PRUNE2: variants seen among roughly 807,000 people sequenced by gnomAD.
The protein encoded by PRUNE2 is prune homolog 2 with BCH domain.
Under a neutral mutation model 252.0 loss-of-function variants are expected in PRUNE2, and 164 were observed. The observed-to-expected ratio is 0.65, with a 90% CI of 0.57 to 0.74. PRUNE2 has a LOEUF of 0.74. Among genes scored for constraint, PRUNE2 ranks in the 30% least tolerant of loss-of-function variants. The pLI is 0.00. For synonymous variants in PRUNE2, 1,292 were observed against 1,350.2 expected, an observed-to-expected ratio of 0.96 and a Z score of 0.94; for missense variants, 3,495 against 3,711.0, an observed-to-expected ratio of 0.94 and a Z score of 1.51.
At chr9:76,765,214 A>C (rs958321993) in intron 6 of PRUNE2, among the ~76,000 whole-genome samples, 1 of 152,240 alleles carries the variant, frequency 6.6e-6, no homozygotes, top group Non-Finnish European at 1.5e-5. Context: ...GAAGTTAAAC[A>C]CAAGAGGAGG....
chr9:76,831,641 C>T (rs1338592729), intron 4 of PRUNE2, among the ~76,000 whole-genome samples: 4 of 151,738 alleles, frequency 2.6e-5, no homozygotes. Context: ...GTTGTAATTG[C>T]TATCATAACC....
intron 1 of PRUNE2, among the ~76,000 whole-genome samples, chr9:76,887,974 C>T (rs775683361): frequency 4.6e-5 from 7 of 152,268 alleles, no homozygotes; most frequent in Non-Finnish European, 7.4e-5. Context: ...CAAACCACTC[C>T]GGGCTCCCCA....
chr9:76,856,892 T>C (rs974450239), intron 1 of PRUNE2, among the ~76,000 whole-genome samples: 1 of 152,068 alleles, frequency 6.6e-6, no homozygotes, highest in African/African-American at 2.4e-5. Flanking sequence ...TAGCTGGGAT[T>C]ACAGGTGCCC....
chr9:76,830,178 G>A (rs1044002654), intron 4 of PRUNE2, among the ~76,000 whole-genome samples: 1 of 152,154 alleles, frequency 6.6e-6, no homozygotes, highest in African/African-American at 2.4e-5. Context: ...AGCATGGAGA[G>A]AAAAAGCGAT....
Position 76,709,562 on chromosome 9 carries a change from C to A in PRUNE2, c.2712G>T (p.Val904=), listed in dbSNP as rs748910643. 2 of 1,613,980 alleles carry A rather than the reference C, an allele frequency of 1.2e-6. No homozygotes were observed. The highest frequency in any genetic ancestry group is 1.7e-5 in the Admixed American group (1 of 60,024). The change falls in exon 8 of 19, where the codon GTG becomes GTT. Residue 904 remains valine, a synonymous_variant. Transcript: ENST00000376718. ...ATACCTTGCCCCTAGTTTTAGGATC[C>A]ACTAAACCATTCTGATCTTCTTTTG... ...KPPKEDQNGL[V]DPKTRGKVYE... is the part of the protein sequence containing the mutation.
chr9:76,708,180 A>G lies in PRUNE2; in HGVS notation c.4094T>C (p.Leu1365Pro). 3 of 1,614,024 alleles carry G rather than the reference A, an allele frequency of 1.9e-6. No homozygotes were observed. The highest frequency in any genetic ancestry group is 2.5e-6 in the Non-Finnish European group (3 of 1,179,894). The change falls in exon 8 of 19, where the codon CTG becomes CCG. Residue 1365 changes from leucine (L) to proline (P), a missense_variant. By Grantham distance (98) the Leu-to-Pro change is moderately conservative. Coordinates refer to ENST00000376718, the MANE Select transcript of PRUNE2 (RefSeq NM_015225.3). ...ATGTTCAGATGCAACCAGAGAAGAC[A>G]GTTCCTGGTCACTCTGCCCTTTTTC... is the stretch of plus-strand genomic sequence containing the variant. ...ISEKGQSDQELSSLVASEHQE... is the reference protein window; with the variant it reads ...ISEKGQSDQEPSSLVASEHQE...
chr9:76,827,701 C>T (rs1351228760), intron 4 of PRUNE2, among the ~76,000 whole-genome samples: 1 of 152,080 alleles, frequency 6.6e-6, no homozygotes, highest in African/African-American at 2.4e-5. Context: ...AACTATGGTA[C>T]CCAATCCAAA....
In PRUNE2 at chr9:76,658,228, C is replaced by A. The variant is rs539249053; in HGVS notation, c.8277-2726G>T. Among the ~76,000 whole-genome samples, 5 of 152,290 alleles carry A rather than the reference C, an allele frequency of 3.3e-5. No homozygotes were observed. In the South Asian group the frequency reaches 8.3e-4, roughly 25 times the overall value. On this transcript the variant is annotated intron_variant, in intron 9 of 18. Transcript: ENST00000376718. ...ACAAAATTAGCTGGGTGTGGTGGCG[C>A]ATGCCTGTAATCCCAGCTACTCGGG...
rs201068703 is a variant in PRUNE2, at chr9:76,632,972, AGCACTTTGGGAG to A, written c.9050+3487_9050+3498del. 8.7e-3 allele frequency among the ~76,000 whole-genome samples: 1,318 copies of A among 152,354 alleles called. 24 individuals are homozygous for A. The highest frequency in any genetic ancestry group is 0.03 in the African/African-American group (1,258 of 41,590). On this transcript the variant is annotated intron_variant, in intron 15 of 18. Transcript: ENST00000376718. The stretch of plus-strand genomic sequence containing the variant: ...CGCAGTGTCTCGTACCTGTAGTCCC[AGCACTTTGGGAG>A]GCCGAGGCAGGCGGATCACTTGAGG...
At chr9:76,630,322 A>T (rs1156692319) in intron 15 of PRUNE2, among the ~76,000 whole-genome samples, 1 of 151,652 alleles carries the variant, frequency 6.6e-6, no homozygotes, top group Non-Finnish European at 1.5e-5. Context: ...ACATTCAAAA[A>T]TATGTTCCAA....
At chr9:76,669,289 A>G (rs1006292522) in intron 9 of PRUNE2, among the ~76,000 whole-genome samples, 2 of 150,344 alleles carry the variant, frequency 1.3e-5, no homozygotes, top group Admixed American at 1.3e-4. Flanking sequence ...TCACACCACC[A>G]CCACCCTCTC....
intron 9 of PRUNE2, chr9:76,692,411 T>G (rs1206610074): frequency 2.2e-6 from 1 of 462,846 alleles, no homozygotes; most frequent in Non-Finnish European, 3.9e-6. Context: ...AGACTGGATG[T>G]GAATGGGCTC....
intron 6 of PRUNE2, chr9:76,740,056 T>C (rs909836867): frequency 1.3e-5 from 2 of 148,790 alleles, no homozygotes; most frequent in Admixed American, 6.6e-5. Flanking sequence ...AGTATGATAC[T>C]CTGTTTCAAA....
chr9:76,660,798 A>AAAAAAG (rs1554669341), intron 9 of PRUNE2, among the ~76,000 whole-genome samples: 4 of 141,018 alleles, frequency 2.8e-5, no homozygotes, highest in Non-Finnish European at 4.6e-5. Context: ...AAAAAAAAAA[A>AAAAAAG]AAAGAAAGAA....
In PRUNE2 at chr9:76,611,548, T is replaced by C. The variant is rs1231343462; in HGVS notation, c.*3022A>G. The C allele has an allele frequency of 6.6e-6, 1 of 152,264 alleles. No homozygotes were observed. Among genetic ancestry groups the C allele is most frequent in the Non-Finnish European group, 1.5e-5 (1 of 68,036 alleles). The allele number at this position is 152,264 out of a possible 1,614,324, so 9.4% of individuals were successfully genotyped here. On this transcript the variant is annotated 3_prime_UTR_variant, in exon 19 of 19. Coordinates refer to ENST00000376718, the MANE Select transcript of PRUNE2 (RefSeq NM_015225.3). ...TGCATGATAGAAAAACCTTTAGATA[T>C]ATAAAAGATTAATTTGTGCACATCT...
intron 2 of PRUNE2, among the ~76,000 whole-genome samples, chr9:76,853,163 T>C (rs1465491614): frequency 2.0e-5 from 3 of 152,236 alleles, no homozygotes; most frequent in African/African-American, 7.2e-5. Context: ...AAAGCCCACA[T>C]GTAGAGATCA....
At chr9:76,836,909 C>T (rs372712870) in intron 4 of PRUNE2, among the ~76,000 whole-genome samples, 1 of 152,116 alleles carries the variant, frequency 6.6e-6, no homozygotes, top group African/African-American at 2.4e-5. Flanking sequence ...AATTAGTATA[C>T]AAATGATCTT....
intron 9 of PRUNE2, among the ~76,000 whole-genome samples, chr9:76,694,180 GT>G (rs112987798): frequency 0.014 from 2,093 of 148,308 alleles, 41 homozygotes; most frequent in African/African-American, 0.047. Flanking sequence ...GTTTTGTTTC[GT>G]TTTTTTTTTG....
At chr9:76,637,602 C>T in intron 13 of PRUNE2, 53 bp from the exon 14 acceptor site, 1 of 1,507,952 alleles carries the variant, frequency 6.6e-7, no homozygotes, top group Non-Finnish European at 9.1e-7. Flanking sequence ...CTATTGACAC[C>T]ATAATTACAT....
Sources: gnomAD v4.1 joint callset for allele counts (sites outside exome capture counted in the v4.1 genomes callset) on GRCh38, gnomAD v4.1.1 for gene constraint, MANE v1.5 for transcripts, NCBI Gene and HGNC (gene_info 2026-07-23, HGNC 2026-07-21) for gene names.